Variants in PRIM1 observed in about 807,000 individuals in gnomAD.
PRIM1 encodes the protein DNA primase small subunit.
In PRIM1, 38 loss-of-function variants were observed where a neutral mutation model predicts 60.2. That is an observed-to-expected ratio of 0.63 (90% confidence interval 0.49 to 0.83). The LOEUF (loss-of-function observed/expected upper bound fraction) is 0.83, where lower values mean the gene tolerates loss of function less well. PRIM1 is among the 40% of genes least tolerant of loss of function. The pLI is 0.00. For missense variants in PRIM1, 388 were observed against 506.2 expected (o/e 0.77, Z 2.24); for synonymous variants, 158 against 160.2 (o/e 0.99, Z 0.10).
intron 11 of PRIM1, 69 bp from the exon 12 acceptor site, chr12:56,734,314 G>A: frequency 1.0e-6 from 1 of 991,394 alleles, no homozygotes. Flanking sequence ...ACACAACTAA[G>A]TTTCTTATAA....
At chr12:56,738,301 C>T (rs971309291) in intron 11 of PRIM1, 133 bp downstream of exon 11, 1 of 1,276,372 alleles carries the variant, frequency 7.8e-7, no homozygotes, top group Non-Finnish European at 1.0e-6. Flanking sequence ...AGAAAGGACA[C>T]AAACATTGTA....
chr12:56,734,181 A>G lies in PRIM1; in HGVS notation c.1209T>C (p.Asp403=). 6.2e-7 allele frequency: 1 copy of G among 1,608,902 alleles called. No homozygotes were observed. The highest frequency in any genetic ancestry group is 8.5e-7 in the Non-Finnish European group (1 of 1,175,914). The part of the protein sequence containing the change: ...KVFEHFLENL[D]KSRKGELLKK... ...TAAGAAGTTCTCCTTTTCGGGATTTATCCAGATTTTCAAGAAAATGTTCAA... is the reference window on the plus strand; with the variant it reads ...TAAGAAGTTCTCCTTTTCGGGATTTGTCCAGATTTTCAAGAAAATGTTCAA... Residue 403 remains aspartate (D), a synonymous_variant, in exon 12 of 13, where the codon GAT becomes GAC. Transcript: ENST00000338193.
intron 2 of PRIM1, among the ~76,000 whole-genome samples, chr12:56,749,376 C>T (rs1011726117): frequency 5.3e-5 from 8 of 151,956 alleles, no homozygotes; most frequent in African/African-American, 1.9e-4. Context: ...ACATAACTGA[C>T]AAAAATCACA....
At chr12:56,741,285 C>T (rs991687830) in intron 9 of PRIM1, 150 bp downstream of exon 9, 1 of 803,568 alleles carries the variant, frequency 1.2e-6, no homozygotes, top group East Asian at 2.8e-5. Flanking sequence ...CATCTGGTAG[C>T]TACTTAACTG....
intron 12 of PRIM1, among the ~76,000 whole-genome samples, chr12:56,733,152 G>T (rs1953796154): frequency 6.7e-6 from 1 of 148,498 alleles, no homozygotes. Flanking sequence ...ACCGTGTCCG[G>T]CCTAGGGTTT....
rs71446569 is a variant in PRIM1, at chr12:56,746,626, T to TCACA, written c.442+151_442+154dup. The TCACA allele has an allele frequency of 1.5e-3, 965 of 640,334 alleles. 2 individuals are homozygous for TCACA. The highest frequency in any genetic ancestry group is 4.1e-3 in the African/African-American group (185 of 45,004). 39.7% of individuals were successfully genotyped at this position (640,334 alleles called of 1,614,324 possible). A position where few individuals can be genotyped will look rare whatever the true frequency, so the allele number is the denominator to read the frequency against. The stretch of plus-strand genomic sequence containing the variant: ...AGCCTGGCTGACAGAGTGAGACTCG[T>TCACA]CACACACACACACACACACACACAC... On this transcript the variant is annotated intron_variant, in intron 4 of 12. Transcript: ENST00000338193.
intron 9 of PRIM1, among the ~76,000 whole-genome samples, chr12:56,739,989 T>C (rs2137861606): frequency 1.3e-5 from 2 of 152,078 alleles, no homozygotes; most frequent in South Asian, 4.2e-4. Context: ...ATACAAAAAT[T>C]AGCTGGGTGT....
intron 12 of PRIM1, among the ~76,000 whole-genome samples, chr12:56,733,595 C>CTT (rs879265416): frequency 8.9e-5 from 12 of 134,598 alleles, no homozygotes; most frequent in Admixed American, 7.4e-4. Context: ...GTTAGTACTT[C>CTT]TTTTTTTTTT....
chr12:56,743,064 TC>T lies in PRIM1; in HGVS notation c.670del (p.Glu224LysfsTer21). The T allele has an allele frequency of 6.5e-7, 1 of 1,530,488 alleles. No homozygotes were observed. Among genetic ancestry groups the T allele is most frequent in the Non-Finnish European group, 8.8e-7 (1 of 1,141,944 alleles). 94.8% of individuals were successfully genotyped at this position (1,530,488 alleles called of 1,614,324 possible). A position where few individuals can be genotyped will look rare whatever the true frequency, so the allele number is the denominator to read the frequency against. On this transcript the variant is annotated frameshift_variant, in exon 7 of 13. Coordinates refer to ENST00000338193, the MANE Select transcript of PRIM1 (RefSeq NM_000946.3). LOFTEE classifies it high-confidence loss of function. ...KSINIIKKYFEEYALVNQDIL... is the reference protein window; with the variant it reads ...KSINIIKKYFXEYALVNQDIL... ...ATCTTGATTAACCAAGGCATATTCT[TC>T]AAAGTATTTTTTTATTATGTTTATA...
chr12:56,744,089 C>CT lies in PRIM1; in HGVS notation c.613dup (p.Ser205LysfsTer2). The stretch of plus-strand genomic sequence containing the variant: ...CCTGATAAAAGGGTGAATTTTTTCA[C>CT]TTAGGTGAACTTTCTTTTTAACGTC... On this transcript the variant is annotated frameshift_variant, in exon 6 of 13. Coordinates refer to ENST00000338193, the MANE Select transcript of PRIM1 (RefSeq NM_000946.3). LOFTEE classifies it high-confidence loss of function. The CT allele has an allele frequency of 6.4e-7, 1 of 1,571,612 alleles. No homozygotes were observed.
intron 2 of PRIM1, among the ~76,000 whole-genome samples, chr12:56,750,402 G>A (rs1176612451): frequency 6.6e-6 from 1 of 151,962 alleles, no homozygotes; most frequent in Non-Finnish European, 1.5e-5. Flanking sequence ...AGAAAGAGAG[G>A]AATCAAGAAT....
chr12:56,745,938 C>CAA (rs11331084), intron 5 of PRIM1, 107 bp downstream of exon 5: 1,086 of 934,234 alleles, frequency 1.2e-3, no homozygotes, highest in Middle Eastern at 2.6e-3. Flanking sequence ...GAGTCCATCT[C>CAA]AAAAAAAAAA....
intron 4 of PRIM1, among the ~76,000 whole-genome samples, chr12:56,746,543 A>C (rs1262996563): frequency 2.6e-5 from 4 of 151,660 alleles, no homozygotes; most frequent in East Asian, 1.9e-4. Context: ...AGGCAGGAGA[A>C]TCACTTGAAC....
chr12:56,738,391 A>C (rs776210499), intron 11 of PRIM1, 43 bp downstream of exon 11: 19 of 1,490,296 alleles, frequency 1.3e-5, no homozygotes, highest in Non-Finnish European at 1.3e-5. Context: ...ATATCTATAT[A>C]AAAACCCTGT....
At position 56,734,263 on chromosome 12, in the gene PRIM1, T is replaced by C. The variant is rs1331292913; in HGVS notation, c.1145-18A>G. Reference sequence around the variant, plus strand: ...CTTATAATCTAAATTATGAAGAATGTACATTATAATTAGCATACTGGCAGC... The same window carrying C: ...CTTATAATCTAAATTATGAAGAATGCACATTATAATTAGCATACTGGCAGC... On this transcript the variant is annotated intron_variant, in intron 11 of 12. Coordinates refer to ENST00000338193, the MANE Select transcript of PRIM1 (RefSeq NM_000946.3). 2.1e-6 allele frequency: 3 copies of C among 1,447,858 alleles called. No individual in the cohort carries two copies. The African/African-American group carries it at 4.3e-5, about 21-fold the overall frequency. 89.7% of individuals were successfully genotyped at this position (1,447,858 alleles called of 1,614,324 possible).
intron 11 of PRIM1, among the ~76,000 whole-genome samples, chr12:56,734,880 C>T (rs1205401073): frequency 3.4e-5 from 5 of 145,802 alleles, no homozygotes; most frequent in African/African-American, 1.3e-4. Flanking sequence ...GGTGCGATCT[C>T]GGCTTACTGC....
chr12:56,736,915 G>A (rs186593098), intron 11 of PRIM1, among the ~76,000 whole-genome samples: 139 of 152,128 alleles, frequency 9.1e-4, no homozygotes, highest in Admixed American at 3.3e-3. Flanking sequence ...AGCCTCTTGA[G>A]TAGCTGAGAC....
intron 4 of PRIM1, among the ~76,000 whole-genome samples, 167 bp downstream of exon 4, chr12:56,746,612 CAG>C (rs1015703592): frequency 1.0e-4 from 15 of 145,684 alleles, no homozygotes; most frequent in Admixed American, 9.9e-4. Flanking sequence ...GCCTGGCTGA[CAG>C]AGTGAGACTC....
rs920831932 is a variant in PRIM1 at position 56,751,206 on chromosome 12, A to C, written c.104-11T>G. ...AGTAATTCTTTATCACTGCAAAATA[A>C]ATGTACATTTTAAAGTTAATTTGCT... On this transcript the variant is annotated splice_polypyrimidine_tract_variant and intron_variant, in intron 1 of 12. Coordinates refer to ENST00000338193, the MANE Select transcript of PRIM1 (RefSeq NM_000946.3). 17 of 1,502,438 alleles carry C rather than the reference A, an allele frequency of 1.1e-5. No homozygotes were observed. The highest frequency in any genetic ancestry group is 1.4e-5 in the Non-Finnish European group (16 of 1,117,534). 93.1% of individuals were successfully genotyped at this position (1,502,438 alleles called of 1,614,324 possible). A position where few individuals can be genotyped will look rare whatever the true frequency, so the allele number is the denominator to read the frequency against.
Sources: allele counts gnomAD v4.1 joint callset (sites outside exome capture counted in the v4.1 genomes callset), GRCh38; gene constraint gnomAD v4.1.1; transcripts MANE v1.5; gene names NCBI Gene and HGNC (gene_info 2026-07-23, HGNC 2026-07-21).